Variants in PHEX observed in about 807,000 individuals in gnomAD.
PHEX encodes phosphate regulating endopeptidase X-linked.
PHEX carries 16 observed loss-of-function variants against 68.0 expected under a neutral mutation model. The observed-to-expected ratio is 0.24, with a 90% CI of 0.16 to 0.36. The LOEUF (loss-of-function observed/expected upper bound fraction) is 0.36. Ranked by LOEUF, PHEX falls within the 10% of genes least tolerant of loss-of-function variation. The probability of loss-of-function intolerance (pLI) is 1.00; values close to 1 mark genes in which losing one functional copy is unlikely to be tolerated. For synonymous variants in PHEX, 208 were observed against 205.1 expected, an observed-to-expected ratio of 1.01 and a Z score of -0.12; for missense variants, 480 against 575.5, an observed-to-expected ratio of 0.83 and a Z score of 1.70.
chrX:22,221,765 G>T, intron 18 of PHEX, 22 bp downstream of exon 18: 1 of 1,190,479 alleles, frequency 8.4e-7, no homozygotes, highest in South Asian at 1.8e-5. Flanking sequence ...TGTGGCTAAG[G>T]GGGGCACCTT....
intron 20 of PHEX, among the ~76,000 whole-genome samples, chrX:22,241,202 G>T (rs1329669304): frequency 8.9e-6 from 1 of 112,084 alleles, no homozygotes; most frequent in Admixed American, 9.5e-5. Flanking sequence ...AATGAAGGCA[G>T]AAATAAAGAT....
At chrX:22,045,675 C>T (rs1330739725) in intron 2 of PHEX, among the ~76,000 whole-genome samples, 1 of 112,317 alleles carries the variant, frequency 8.9e-6, no homozygotes, top group Non-Finnish European at 1.9e-5. Context: ...AGTTCTACTG[C>T]TAGACCTGGG....
intron 20 of PHEX, among the ~76,000 whole-genome samples, chrX:22,243,809 T>C (rs551068274): frequency 8.9e-6 from 1 of 111,970 alleles, no homozygotes; most frequent in African/African-American, 3.2e-5. Flanking sequence ...TGTGGAGAAA[T>C]AGGAACGCTT....
intron 15 of PHEX, among the ~76,000 whole-genome samples, chrX:22,210,947 G>GA (rs71768843): frequency 9.3e-5 from 10 of 107,022 alleles, no homozygotes; most frequent in Non-Finnish European, 1.2e-4. Context: ...AGGAGAGAGA[G>GA]AAAAAAAAAA....
intron 15 of PHEX, among the ~76,000 whole-genome samples, chrX:22,205,127 T>G (rs1306659648): frequency 8.9e-6 from 1 of 112,292 alleles, no homozygotes; most frequent in Non-Finnish European, 1.9e-5. Context: ...CCAAGTATAT[T>G]TCTGGAGAAA....
At chrX:22,081,481 C>T (rs1266682610) in intron 5 of PHEX, among the ~76,000 whole-genome samples, 3 of 111,741 alleles carry the variant, frequency 2.7e-5, no homozygotes, top group East Asian at 2.8e-4. Context: ...CCTTTTCCAT[C>T]GAATTCAATT....
chrX:22,044,855 T>C (rs1435811859), intron 2 of PHEX, among the ~76,000 whole-genome samples: 1 of 110,871 alleles, frequency 9.0e-6, no homozygotes, highest in Non-Finnish European at 1.9e-5. Flanking sequence ...TAAGTCTTTA[T>C]TTTTATTTAT....
chrX:22,161,201 C>T (rs943715134), intron 12 of PHEX, among the ~76,000 whole-genome samples: 2 of 112,232 alleles, frequency 1.8e-5, no homozygotes, highest in Non-Finnish European at 3.8e-5. Flanking sequence ...TTTATATGTT[C>T]TCACAAAATA....
chrX:22,194,241 C>T (rs1225690850), intron 15 of PHEX, among the ~76,000 whole-genome samples: 1 of 112,151 alleles, frequency 8.9e-6, no homozygotes, highest in African/African-American at 3.2e-5. Flanking sequence ...CAAGCTGTTT[C>T]TGTTTTCCTA....
chrX:22,067,976 G>T (rs2147008991), intron 3 of PHEX, among the ~76,000 whole-genome samples: 1 of 110,055 alleles, frequency 9.1e-6, no homozygotes, highest in South Asian at 3.9e-4. Flanking sequence ...AGGATTACAG[G>T]CATCCACCAC....
chrX:22,220,294 G>A (rs1384457175), intron 17 of PHEX, among the ~76,000 whole-genome samples: 1 of 111,408 alleles, frequency 9.0e-6, no homozygotes, highest in Admixed American at 9.5e-5. Context: ...CAGGGCCAGA[G>A]ACACTTAGGC....
In PHEX at chrX:22,032,898, A is replaced by T; in HGVS notation, c.-108A>T. On this transcript the variant is annotated 5_prime_UTR_variant, in exon 1 of 22. Transcript: ENST00000379374. ...CTGACGGCAGTTTCTTAAGCTGTCCATTAGTAGAAGAGCAAGAAAGCCTTG... is the reference window on the plus strand; with the variant it reads ...CTGACGGCAGTTTCTTAAGCTGTCCTTTAGTAGAAGAGCAAGAAAGCCTTG... 5 of 592,073 alleles carry T rather than the reference A, an allele frequency of 8.4e-6. No individual in the cohort carries two copies. In the Admixed American group the frequency reaches 1.1e-4, roughly 13 times the overall value. 48.8% of individuals were successfully genotyped at this position (592,073 alleles called of 1,213,427 possible).
intron 14 of PHEX, among the ~76,000 whole-genome samples, chrX:22,180,121 T>C (rs1171278074): frequency 1.8e-5 from 2 of 111,275 alleles, no homozygotes; most frequent in Admixed American, 9.6e-5. Context: ...TTTGTAGTTA[T>C]TAGCCTCACT....
intron 12 of PHEX, among the ~76,000 whole-genome samples, chrX:22,158,335 T>G (rs1417359915): frequency 8.9e-6 from 1 of 112,319 alleles, no homozygotes; most frequent in Non-Finnish European, 1.9e-5. Context: ...TGATTGAGCC[T>G]GACTGAAGCT....
At chrX:22,191,533 T>G (rs1307568044) in intron 15 of PHEX, among the ~76,000 whole-genome samples, 3 of 112,298 alleles carry the variant, frequency 2.7e-5, no homozygotes, top group Non-Finnish European at 5.6e-5. Flanking sequence ...TCTAATGTTG[T>G]GAGTCTTGAA....
At chrX:22,243,814 A>T (rs1936306188) in intron 20 of PHEX, among the ~76,000 whole-genome samples, 2 of 112,277 alleles carry the variant, frequency 1.8e-5, no homozygotes, top group East Asian at 2.8e-4. Flanking sequence ...AGAAATAGGA[A>T]CGCTTTTACA....
rs773033853 is a variant in PHEX at position 22,033,049 on chromosome X, C to G, written c.44C>G (p.Ala15Gly). The G allele has an allele frequency of 2.6e-5, 31 of 1,209,733 alleles. No individual in the cohort carries two copies. The highest frequency in any genetic ancestry group is 3.5e-5 in the Non-Finnish European group (31 of 894,283). ...AGCAGCGTGGAGACTGGAAAGAAGG[C>G]CAACAGAGGCACTCGAATTGCCCTG... ...TGSSVETGKK[A>G]NRGTRIALVV... is the part of the protein sequence containing the mutation. The change falls in exon 1 of 22, where the codon GCC (alanine) becomes GGC (glycine). Residue 15 changes from alanine to glycine, a missense_variant. Coordinates refer to ENST00000379374, the MANE Select transcript of PHEX (RefSeq NM_000444.6).
intron 16 of PHEX, among the ~76,000 whole-genome samples, chrX:22,215,045 C>T (rs191873732): frequency 2.7e-3 from 299 of 111,855 alleles, no homozygotes; most frequent in African/African-American, 8.9e-3. Context: ...ATTCTGCTTA[C>T]TGTTAACAAT....
Position 22,038,353 on chromosome X carries a change from G to T in PHEX, c.119-116G>T. 8.6e-6 allele frequency: 5 copies of T among 579,620 alleles called. No individual in the cohort carries two copies. The South Asian group carries it at 1.1e-4, about 13-fold the overall frequency. The allele number at this position is 579,620 out of a possible 1,213,427, so 47.8% of individuals were successfully genotyped here. On this transcript the variant is annotated intron_variant, in intron 1 of 21. Coordinates refer to ENST00000379374, the MANE Select transcript of PHEX (RefSeq NM_000444.6). ...TGAACCAACTGGGTTTTGGAATACCGTGTCAACACTGAGAAGGATGAACTG... is the reference window on the plus strand; with the variant it reads ...TGAACCAACTGGGTTTTGGAATACCTTGTCAACACTGAGAAGGATGAACTG...
Sources: allele counts gnomAD v4.1 joint callset (sites outside exome capture counted in the v4.1 genomes callset), GRCh38; gene constraint gnomAD v4.1.1; transcripts MANE v1.5; gene names NCBI Gene and HGNC (gene_info 2026-07-23, HGNC 2026-07-21).